CDS2: variants seen among roughly 807,000 people sequenced by gnomAD.
CDS2 encodes the protein CDP-diacylglycerol synthase 2.
In CDS2, 47 loss-of-function variants were observed where a neutral mutation model predicts 59.0. That is an observed-to-expected ratio of 0.80 (90% CI 0.63 to 1.02). CDS2 has a LOEUF of 1.02. CDS2 is among the 50% of genes least tolerant of loss of function. The probability of loss-of-function intolerance (pLI) is 0.00; values close to 1 mark genes in which losing one functional copy is unlikely to be tolerated. For synonymous variants in CDS2, 207 were observed against 206.4 expected (o/e 1.00, Z -0.02); for missense variants, 356 against 558.9 (o/e 0.64, Z 3.66).
intron 1 of CDS2, among the ~76,000 whole-genome samples, chr20:5,143,119 T>C (rs146974804): frequency 0.012 from 1,872 of 152,222 alleles, 48 homozygotes; most frequent in African/African-American, 0.041. Context: ...GCTGGTATTA[T>C]TGGTGTGAGC....
chr20:5,189,849 T>G lies in CDS2; in HGVS notation c.1205+11T>G. On this transcript the variant is annotated intron_variant, in intron 12 of 12. Transcript: ENST00000460006. ...CGCCAGTTTTATCAGGTATAGTACC[T>G]TTCCATCTGAACCAAGTTGGTGGAT... 3.1e-6 allele frequency: 5 copies of G among 1,593,224 alleles called. No individual in the cohort carries two copies. The highest frequency in any genetic ancestry group is 4.3e-6 in the Non-Finnish European group (5 of 1,163,460).
chr20:5,135,553 C>T (rs2423089), intron 1 of CDS2, among the ~76,000 whole-genome samples: 142,288 of 152,282 alleles, frequency 0.93, 66,632 homozygotes, highest in African/African-American at 0.98. Context: ...GTTCCTGGCA[C>T]TGGGCAGGGT....
At chr20:5,183,440 A>G (rs2091045530) in intron 7 of CDS2, among the ~76,000 whole-genome samples, 1 of 152,264 alleles carries the variant, frequency 6.6e-6, no homozygotes, top group African/African-American at 2.4e-5. Context: ...AGACTCAAAG[A>G]CAATGCAACA....
In CDS2 at chr20:5,191,422, T is replaced by C. The variant is rs1456669413; in HGVS notation, c.*1188T>C. On this transcript the variant is annotated 3_prime_UTR_variant, in exon 13 of 13. Coordinates refer to ENST00000460006, the MANE Select transcript of CDS2 (RefSeq NM_003818.4). The stretch of plus-strand genomic sequence containing the variant: ...TGTTTGCTTAAACTGTGATTTTTTT[T>C]CCCCTCCCTAATTTCAGGGGTGAGA... 1 of 151,822 alleles carries C rather than the reference T, an allele frequency of 6.6e-6. No individual in the cohort carries two copies. Among genetic ancestry groups the C allele is most frequent in the Admixed American group, 6.6e-5 (1 of 15,230 alleles). The allele number at this position is 151,822 out of a possible 1,614,324, so 9.4% of individuals were successfully genotyped here.
At chr20:5,181,219 T>C (rs909497189) in intron 5 of CDS2, among the ~76,000 whole-genome samples, 3 of 152,232 alleles carry the variant, frequency 2.0e-5, no homozygotes, top group African/African-American at 7.2e-5. Context: ...CACCAATCCC[T>C]CTTGTTTCTT....
At chr20:5,178,196 G>A (rs1013746223) in intron 4 of CDS2, among the ~76,000 whole-genome samples, 7 of 152,322 alleles carry the variant, frequency 4.6e-5, no homozygotes, top group African/African-American at 1.4e-4. Flanking sequence ...AGGTCTGTTT[G>A]TCAGAGCCAG....
At chr20:5,185,894 T>C (rs2091063949) in intron 9 of CDS2, 68 bp downstream of exon 9, 2 of 1,422,002 alleles carry the variant, frequency 1.4e-6, no homozygotes, top group East Asian at 2.3e-5. Context: ...TTCCAAGGCC[T>C]GTCCAGAGCT....
intron 1 of CDS2, among the ~76,000 whole-genome samples, chr20:5,173,207 C>T (rs924199594): frequency 3.9e-5 from 6 of 152,194 alleles, no homozygotes; most frequent in Non-Finnish European, 5.9e-5. Flanking sequence ...AAAACCGGTC[C>T]CAGCCTCCCT....
chr20:5,190,047 G>T, intron 12 of CDS2, 55 bp from the exon 13 acceptor site: 1 of 1,595,992 alleles, frequency 6.3e-7, no homozygotes. Flanking sequence ...AGATAATCAG[G>T]CCCTGGAAGC....
intron 1 of CDS2, among the ~76,000 whole-genome samples, chr20:5,149,585 A>G (rs535131535): frequency 4.4e-4 from 67 of 152,076 alleles, no homozygotes; most frequent in Non-Finnish European, 6.8e-4. Flanking sequence ...GTTTATTTTT[A>G]GAAATGGGGT....
chr20:5,176,832 C>G, intron 4 of CDS2, 87 bp downstream of exon 4: 1 of 898,766 alleles, frequency 1.1e-6, no homozygotes, highest in Non-Finnish European at 1.9e-6. Context: ...GTATTTCTAT[C>G]ACTTGCTATA....
At chr20:5,185,040 T>C in intron 8 of CDS2, 95 bp downstream of exon 8, 1 of 889,786 alleles carries the variant, frequency 1.1e-6, no homozygotes, top group East Asian at 2.4e-5. Context: ...GAAATCTAGC[T>C]GTGTTGTATT....
intron 1 of CDS2, among the ~76,000 whole-genome samples, chr20:5,142,648 A>G (rs1361838373): frequency 6.6e-6 from 1 of 152,208 alleles, no homozygotes; most frequent in East Asian, 1.9e-4. Context: ...CTAACCATAA[A>G]AGAAACTGTT....
chr20:5,177,023 G>A (rs1323869615), intron 4 of CDS2, among the ~76,000 whole-genome samples: 1 of 152,158 alleles, frequency 6.6e-6, no homozygotes, highest in Non-Finnish European at 1.5e-5. Context: ...GTGCCTTTGA[G>A]ACCTGAGTAT....
intron 6 of CDS2, 82 bp downstream of exon 6, chr20:5,182,527 C>T: frequency 3.1e-6 from 4 of 1,274,640 alleles, no homozygotes; most frequent in Middle Eastern, 3.8e-4. Flanking sequence ...TTCATGCTTT[C>T]TGTGACAAAT....
At chr20:5,130,244 G>A (rs776372918) in intron 1 of CDS2, among the ~76,000 whole-genome samples, 18 of 151,320 alleles carry the variant, frequency 1.2e-4, no homozygotes, top group Non-Finnish European at 2.5e-4. Context: ...CAAAGTGCTG[G>A]GATTACAGGT....
At chr20:5,133,010 CAA>C (rs34764405) in intron 1 of CDS2, among the ~76,000 whole-genome samples, 12 of 135,876 alleles carry the variant, frequency 8.8e-5, no homozygotes, top group Non-Finnish European at 9.6e-5. Flanking sequence ...TTCTCTACTA[CAA>C]AAAAAAAAAA....
chr20:5,149,233 T>C (rs572850021), intron 1 of CDS2, among the ~76,000 whole-genome samples: 1 of 152,344 alleles, frequency 6.6e-6, no homozygotes, highest in Non-Finnish European at 1.5e-5. Context: ...CGTGGCCGTT[T>C]TATTTTTTAT....
chr20:5,197,254 T>G lies in CDS2; in HGVS notation c.*7020T>G, dbSNP rs2091165258. 6.6e-6 allele frequency: 1 copy of G among 150,972 alleles called. No individual in the cohort carries two copies. Among genetic ancestry groups the G allele is most frequent in the African/African-American group, 2.4e-5 (1 of 41,142 alleles). The allele number at this position is 150,972 out of a possible 1,614,324, so 9.4% of individuals were successfully genotyped here. ...GGTGGTTTTTTTTTTTTTTTTGGTT[T>G]TTTTTTTTTGATCGAGCTGTGGACA... On this transcript the variant is annotated 3_prime_UTR_variant, in exon 13 of 13. Coordinates refer to ENST00000460006, the MANE Select transcript of CDS2 (RefSeq NM_003818.4).
Sources: gnomAD v4.1 joint callset for allele counts (sites outside exome capture counted in the v4.1 genomes callset) on GRCh38, gnomAD v4.1.1 for gene constraint, MANE v1.5 for transcripts, NCBI Gene and HGNC (gene_info 2026-07-23, HGNC 2026-07-21) for gene names.